Variants in ZNF44 observed in about 807,000 individuals in gnomAD.
The protein encoded by ZNF44 is zinc finger protein 44, also known as gonadotropin inducible transcription repressor-2.
In ZNF44, 9 loss-of-function variants were observed where a neutral mutation model predicts 11.7. The ratio of observed to expected loss-of-function variants is 0.77; its 90% CI spans 0.46 to 1.35. The LOEUF is 1.35. Ranked by LOEUF, ZNF44 falls within the 40% of genes most tolerant of loss-of-function variation. The probability of loss-of-function intolerance (pLI) is 0.00; values close to 1 mark genes in which losing one functional copy is unlikely to be tolerated. For synonymous variants in ZNF44, 224 were observed against 242.7 expected, an observed-to-expected ratio of 0.92 and a Z score of 0.72; for missense variants, 696 against 743.1, an observed-to-expected ratio of 0.94 and a Z score of 0.74.
At chr19:12,287,294 A>G (rs898455502) in intron 1 of ZNF44, among the ~76,000 whole-genome samples, 1 of 151,806 alleles carries the variant, frequency 6.6e-6, no homozygotes, top group Non-Finnish European at 1.5e-5. Flanking sequence ...CACCCACTGC[A>G]GCCTCCGCCT....
chr19:12,272,162 ATTT>A lies in ZNF44; in HGVS notation c.*242_*244del, dbSNP rs76144392. On this transcript the variant is annotated 3_prime_UTR_variant, in exon 4 of 4. Transcript: ENST00000355684. ...CAGGTGTGAGCAACTATGCCTGGCT[ATTT>A]TTTTTTTTTTCCGTATTTTTAGTAG... 5,414 of 344,032 alleles carry A rather than the reference ATTT, an allele frequency of 0.016. 58 individuals carry two copies. Among genetic ancestry groups the A allele is most frequent in the Middle Eastern group, 0.035 (37 of 1,052 alleles). The allele number at this position is 344,032 out of a possible 1,614,324, so 21.3% of individuals were successfully genotyped here.
At chr19:12,239,575 T>A (rs1015079298), upstream of ZNF44, among the ~76,000 whole-genome samples, 647 of 138,060 alleles carry the variant, frequency 4.7e-3, 5 homozygotes, top group African/African-American at 0.017. Flanking sequence ...TGCATTTTTT[T>A]TTTTTTTTTT....
chr19:12,257,760 C>T (rs1917319191), intron 5 of ZNF44, among the ~76,000 whole-genome samples: 1 of 146,688 alleles, frequency 6.8e-6, no homozygotes, highest in South Asian at 2.2e-4. Context: ...GAGATCGCGC[C>T]ACTGCACTCC....
chr19:12,293,412 C>T, intron 1 of ZNF44: 1 of 1,525,806 alleles, frequency 6.6e-7, no homozygotes, highest in South Asian at 1.2e-5. Context: ...GTCACATCAC[C>T]CTGTAAAGGA....
intron 5 of ZNF44, among the ~76,000 whole-genome samples, chr19:12,255,907 G>A (rs1421913968): frequency 3.3e-5 from 5 of 151,750 alleles, no homozygotes; most frequent in African/African-American, 1.2e-4. Context: ...GTGGTGACAC[G>A]TGCCTGTAAT....
chr19:12,271,095 A>G (rs1966934679), downstream of ZNF44, among the ~76,000 whole-genome samples: 1 of 152,196 alleles, frequency 6.6e-6, no homozygotes, highest in Admixed American at 6.5e-5. Context: ...AAGATTAAGA[A>G]GAGGAGCAGT....
At chr19:12,275,488 A>C (rs1449455591) in intron 2 of ZNF44, among the ~76,000 whole-genome samples, 7 of 152,156 alleles carry the variant, frequency 4.6e-5, no homozygotes, top group Admixed American at 4.6e-4. Flanking sequence ...CTCTACTAAA[A>C]ATACAAAAAA....
chr19:12,267,833 C>CTTT (rs763187011), downstream of ZNF44, among the ~76,000 whole-genome samples: 165 of 143,572 alleles, frequency 1.1e-3, 2 homozygotes, highest in African/African-American at 3.7e-3. Flanking sequence ...GACAGATTGT[C>CTTT]TTTTTTTTTT....
intron 5 of ZNF44, among the ~76,000 whole-genome samples, chr19:12,255,140 G>A (rs902701328): frequency 2.0e-5 from 3 of 148,722 alleles, no homozygotes; most frequent in Admixed American, 1.3e-4. Flanking sequence ...ACACCCCTTT[G>A]TGGGACACAG....
intron 1 of ZNF44, among the ~76,000 whole-genome samples, chr19:12,282,380 C>A (rs1319731568): frequency 6.6e-6 from 1 of 150,626 alleles, no homozygotes; most frequent in Non-Finnish European, 1.5e-5. Context: ...CTACAGGTCA[C>A]ATTTGGCAGG....
At chr19:12,287,727 A>C (rs1480469801) in intron 1 of ZNF44, among the ~76,000 whole-genome samples, 2 of 152,196 alleles carry the variant, frequency 1.3e-5, no homozygotes, top group Non-Finnish European at 2.9e-5. Flanking sequence ...CACTTAGGCT[A>C]ATTTTGTATG....
At chr19:12,289,985 T>C (rs1160868542) in intron 1 of ZNF44, among the ~76,000 whole-genome samples, 1 of 152,080 alleles carries the variant, frequency 6.6e-6, no homozygotes, top group Non-Finnish European at 1.5e-5. Context: ...GAAGACTGTC[T>C]AGTGACAGCC....
Position 12,277,798 on chromosome 19 carries a change from G to T in ZNF44, c.4-1716C>A, listed in dbSNP as rs564666959. On this transcript the variant is annotated intron_variant, in intron 1 of 3. Transcript: ENST00000355684. ...TCCACATTATTGCCTTTGTATTTTT[G>T]AATCAGTCTGGGGACTAACCGAAGG... Among the ~76,000 whole-genome samples the T allele has an allele frequency of 1.1e-4, 17 of 152,208 alleles. No individual in the cohort carries two copies. In the East Asian group the frequency reaches 2.1e-3, roughly 19 times the overall value.
At position 12,272,859 on chromosome 19, in the gene ZNF44, G is replaced by A. The variant is rs187127429; in HGVS notation, c.1396C>T (p.His466Tyr). 2.0e-5 allele frequency: 33 copies of A among 1,613,952 alleles called. No homozygotes were observed. The Admixed American group carries it at 5.3e-4, about 26-fold the overall frequency. ...AFSDLFSFQS[H>Y]ETTHSEEEPY... ...TCCTCTTCACTGTGTGTTGTTTCATGACTTTGAAAGGAAAATAAATCACTA... is the reference window on the plus strand; with the variant it reads ...TCCTCTTCACTGTGTGTTGTTTCATAACTTTGAAAGGAAAATAAATCACTA... The change falls in exon 4 of 4, where the codon CAT becomes TAT. Residue 466 changes from histidine to tyrosine, a missense_variant. Transcript: ENST00000355684.
At chr19:12,251,888 CTAA>C (rs780775818) in intron 5 of ZNF44, among the ~76,000 whole-genome samples, 2 of 151,860 alleles carry the variant, frequency 1.3e-5, no homozygotes, top group African/African-American at 2.4e-5. Flanking sequence ...CCTGTCTCTA[CTAA>C]TAATACAAAA....
At chr19:12,243,457 T>G (rs557703255), downstream of ZNF44, among the ~76,000 whole-genome samples, 22 of 152,318 alleles carry the variant, frequency 1.4e-4, no homozygotes, top group Non-Finnish European at 2.9e-4. Context: ...TCTGCCTTAT[T>G]TTATAGTGTC....
intron 5 of ZNF44, among the ~76,000 whole-genome samples, chr19:12,261,050 G>A (rs1454927922): frequency 6.6e-6 from 1 of 152,188 alleles, no homozygotes; most frequent in Non-Finnish European, 1.5e-5. Flanking sequence ...CATGACTGAC[G>A]TCTCTAGGGA....
chr19:12,227,161 A>G (rs1398526727), intron 3 of ZNF44, among the ~76,000 whole-genome samples: 2 of 152,246 alleles, frequency 1.3e-5, no homozygotes, highest in East Asian at 3.9e-4. Flanking sequence ...GCTTTTTAAG[A>G]GTTCTGAACG....
chr19:12,274,594 G>A (rs2145728956), intron 3 of ZNF44, among the ~76,000 whole-genome samples: 1 of 149,766 alleles, frequency 6.7e-6, no homozygotes, highest in African/African-American at 2.5e-5. Flanking sequence ...TTTTAAGACA[G>A]GGTCTTGCTC....
Sources: allele counts gnomAD v4.1 joint callset (sites outside exome capture counted in the v4.1 genomes callset), GRCh38; gene constraint gnomAD v4.1.1; transcripts MANE v1.5; gene names NCBI Gene and HGNC (gene_info 2026-07-23, HGNC 2026-07-21).